The following ATP10A variants were observed in gnomAD, a reference collection of about 807,000 sequenced individuals.
ATP10A encodes the protein ATPase phospholipid transporting 10A (putative), also known as phospholipid-transporting ATPase VA.
Under a neutral mutation model 147.8 loss-of-function variants are expected in ATP10A, and 111 were observed. The ratio of observed to expected loss-of-function variants is 0.75; its 90% CI spans 0.64 to 0.88. The LOEUF is 0.88. ATP10A is among the 40% of genes least tolerant of loss of function. The pLI, the probability that ATP10A is intolerant of heterozygous loss-of-function variation, is 0.00. For synonymous variants in ATP10A, 875 were observed against 841.6 expected, an observed-to-expected ratio of 1.04 and a Z score of -0.69; for missense variants, 1,927 against 1,959.0, an observed-to-expected ratio of 0.98 and a Z score of 0.31.
At chr15:25,735,070 G>A (rs971531576) in intron 3 of ATP10A, among the ~76,000 whole-genome samples, 6 of 152,084 alleles carry the variant, frequency 3.9e-5, no homozygotes, top group Non-Finnish European at 8.8e-5. Flanking sequence ...GCCATTCAGC[G>A]GCTGCAGGCG....
chr15:25,819,183 CAG>C (rs1891782083), intron 1 of ATP10A, among the ~76,000 whole-genome samples: 1 of 152,144 alleles, frequency 6.6e-6, no homozygotes, highest in Non-Finnish European at 1.5e-5. Flanking sequence ...ATGCCGCTGA[CAG>C]GGGATTAACA....
chr15:25,810,120 G>A (rs1891364412), intron 1 of ATP10A, among the ~76,000 whole-genome samples: 1 of 152,156 alleles, frequency 6.6e-6, no homozygotes, highest in Non-Finnish European at 1.5e-5. Flanking sequence ...ATCACTTCCT[G>A]ATCACTCCCA....
At chr15:25,855,620 G>A (rs559162630) in intron 1 of ATP10A, among the ~76,000 whole-genome samples, 29 of 151,382 alleles carry the variant, frequency 1.9e-4, no homozygotes, top group East Asian at 7.8e-4. Context: ...AAAAGCATGC[G>A]TTCCCCCTAA....
chr15:25,855,253 C>T (rs1893463389), intron 1 of ATP10A, among the ~76,000 whole-genome samples: 1 of 152,090 alleles, frequency 6.6e-6, no homozygotes, highest in South Asian at 2.1e-4. Flanking sequence ...CAATGGTATC[C>T]AGCAAAATAT....
intron 1 of ATP10A, among the ~76,000 whole-genome samples, chr15:25,784,274 G>T (rs1050305289): frequency 2.8e-4 from 43 of 152,134 alleles, no homozygotes; most frequent in African/African-American, 1.0e-3. Flanking sequence ...TTGCGATGGG[G>T]TCCCCAGGAG....
chr15:25,686,240 G>A (rs144294805), intron 16 of ATP10A, among the ~76,000 whole-genome samples: 5 of 146,936 alleles, frequency 3.4e-5, no homozygotes, highest in African/African-American at 1.3e-4. Flanking sequence ...GAAAAGAAAG[G>A]CAGGTGTAGC....
Position 25,708,181 on chromosome 15 carries a change from A to C in ATP10A, c.2448+16T>G, listed in dbSNP as rs1901163539. On this transcript the variant is annotated intron_variant, in intron 11 of 20. Coordinates refer to ENST00000555815, the MANE Select transcript of ATP10A (RefSeq NM_024490.4). ...GCCACCTGCACGTGCACCCTCGCGG[A>C]GACACCCCCACTCACTCTCTTGGCG... The C allele has an allele frequency of 6.2e-7, 1 of 1,614,010 alleles. No homozygotes were observed. The highest frequency in any genetic ancestry group is 8.5e-7 in the Non-Finnish European group (1 of 1,179,988).
In ATP10A at chr15:25,817,209, A is replaced by G. The variant is rs537504807; in HGVS notation, c.450-35986T>C. On this transcript the variant is annotated intron_variant, in intron 1 of 20. Transcript: ENST00000555815. The stretch of plus-strand genomic sequence containing the variant: ...GCAGTTCTCCTGCCTCAGCCTCCCA[A>G]ATAGCTGGGATTACAGGCGCCCGCC... 2.6e-5 allele frequency among the ~76,000 whole-genome samples: 4 copies of G among 152,106 alleles called. No individual in the cohort carries two copies. In the South Asian group the frequency reaches 6.2e-4, roughly 24 times the overall value.
chr15:25,817,596 A>G (rs1200028920), intron 1 of ATP10A, among the ~76,000 whole-genome samples: 1 of 152,242 alleles, frequency 6.6e-6, no homozygotes, highest in Non-Finnish European at 1.5e-5. Context: ...AGTGCAGAAA[A>G]CAACTGCTCA....
intron 7 of ATP10A, among the ~76,000 whole-genome samples, chr15:25,719,276 C>T (rs1278820459): frequency 2.0e-5 from 3 of 152,174 alleles, no homozygotes; most frequent in African/African-American, 7.2e-5. Flanking sequence ...GCGTGGACCA[C>T]TGCGCATCTC....
chr15:25,824,423 G>A (rs7497066), intron 1 of ATP10A, among the ~76,000 whole-genome samples: 95,584 of 149,672 alleles, frequency 0.64, 33,728 homozygotes, highest in East Asian at 0.84. Context: ...ACAGAGAGCT[G>A]TGATCACACC....
intron 8 of ATP10A, 58 bp downstream of exon 8, chr15:25,718,124 A>G: frequency 6.5e-7 from 1 of 1,541,228 alleles, no homozygotes; most frequent in South Asian, 1.1e-5. Flanking sequence ...TGAGCGGGGG[A>G]TGGTGAAAAT....
intron 1 of ATP10A, among the ~76,000 whole-genome samples, chr15:25,786,617 CTTTTTTTTTTTT>C (rs35892408): frequency 1.5e-5 from 1 of 68,868 alleles, no homozygotes; most frequent in Non-Finnish European, 2.4e-5. Context: ...TCATTATCAT[CTTTTTTTTTTTT>C]TTTTTTTTTT....
At chr15:25,817,324 C>G (rs1891704532) in intron 1 of ATP10A, among the ~76,000 whole-genome samples, 1 of 152,040 alleles carries the variant, frequency 6.6e-6, no homozygotes, top group African/African-American at 2.4e-5. Flanking sequence ...TTTGGGTGAT[C>G]CTCCCACCTC....
chr15:25,828,088 T>A (rs1052768355), intron 1 of ATP10A, among the ~76,000 whole-genome samples: 1 of 152,102 alleles, frequency 6.6e-6, no homozygotes, highest in Non-Finnish European at 1.5e-5. Flanking sequence ...AAAAGGTCAA[T>A]CCATCAGAAG....
At chr15:25,703,910 A>C (rs986442644) in intron 12 of ATP10A, among the ~76,000 whole-genome samples, 5 of 152,206 alleles carry the variant, frequency 3.3e-5, no homozygotes, top group Admixed American at 1.3e-4. Context: ...CATTGCACCC[A>C]TGCTGCACAC....
intron 3 of ATP10A, among the ~76,000 whole-genome samples, chr15:25,735,361 C>T (rs1015223947): frequency 1.6e-4 from 25 of 151,606 alleles, no homozygotes; most frequent in Admixed American, 5.2e-4. Flanking sequence ...ACACACACTC[C>T]GATTATTATG....
chr15:25,702,144 G>GC (rs751231026), intron 12 of ATP10A, 44 bp from the exon 13 acceptor site: 19 of 1,564,314 alleles, frequency 1.2e-5, no homozygotes, highest in East Asian at 2.3e-5. Flanking sequence ...CTTCTCACGT[G>GC]CCCCCCAATC....
chr15:25,721,554 GT>G, intron 7 of ATP10A, 102 bp downstream of exon 7: 1 of 1,049,836 alleles, frequency 9.5e-7, no homozygotes, highest in Non-Finnish European at 1.4e-6. Context: ...GTGTGTGTGT[GT>G]GTGTGTGTGT....
Sources: gnomAD v4.1 joint callset for allele counts (sites outside exome capture counted in the v4.1 genomes callset) on GRCh38, gnomAD v4.1.1 for gene constraint, MANE v1.5 for transcripts, NCBI Gene and HGNC (gene_info 2026-07-23, HGNC 2026-07-21) for gene names.